GLI3: variants seen among roughly 807,000 people sequenced by gnomAD.
The protein encoded by GLI3 is transcription activator GLI3.
GLI3 carries 20 observed loss-of-function variants against 100.8 expected under a neutral mutation model. The ratio of observed to expected loss-of-function variants is 0.20; its 90% CI spans 0.14 to 0.29. The LOEUF (loss-of-function observed/expected upper bound fraction) is 0.29. Among genes scored for constraint, GLI3 ranks in the 10% least tolerant of loss-of-function variants. The pLI, the probability that GLI3 is intolerant of heterozygous loss-of-function variation, is 1.00. For synonymous variants in GLI3, 938 were observed against 860.5 expected (o/e 1.09, Z -1.58); for missense variants, 2,040 against 2,128.5 (o/e 0.96, Z 0.82).
At chr7:42,259,433 G>C (rs1408484260) in intron 1 of GLI3, among the ~76,000 whole-genome samples, 1 of 152,136 alleles carries the variant, frequency 6.6e-6, no homozygotes, top group Non-Finnish European at 1.5e-5. Flanking sequence ...TTAAGCTCTA[G>C]CTCTAAGTCA....
intron 11 of GLI3, among the ~76,000 whole-genome samples, chr7:41,978,183 C>A (rs967879271): frequency 6.6e-6 from 1 of 152,210 alleles, no homozygotes; most frequent in Non-Finnish European, 1.5e-5. Context: ...CTTGCGGCAC[C>A]CCCTTCCCAT....
intron 2 of GLI3, among the ~76,000 whole-genome samples, chr7:42,159,216 T>A (rs1787075990): frequency 2.6e-5 from 4 of 152,222 alleles, no homozygotes; most frequent in Admixed American, 2.6e-4. Context: ...ATTTGGCTTG[T>A]GCTTAACTTA....
chr7:42,144,860 A>G (rs1184695796), intron 3 of GLI3, among the ~76,000 whole-genome samples: 1 of 152,112 alleles, frequency 6.6e-6, no homozygotes, highest in Non-Finnish European at 1.5e-5. Context: ...GGATTAGAGG[A>G]GTCTTTTCTT....
At chr7:42,258,597 G>A (rs949113500) in intron 1 of GLI3, among the ~76,000 whole-genome samples, 1 of 152,152 alleles carries the variant, frequency 6.6e-6, no homozygotes, top group Non-Finnish European at 1.5e-5. Flanking sequence ...AGCCTAAGTG[G>A]CTTATACAGA....
At chr7:42,093,999 A>G (rs1255451266) in intron 3 of GLI3, among the ~76,000 whole-genome samples, 1 of 152,056 alleles carries the variant, frequency 6.6e-6, no homozygotes, top group Non-Finnish European at 1.5e-5. Context: ...TATCCTACTA[A>G]GGAAACAGAG....
intron 2 of GLI3, among the ~76,000 whole-genome samples, chr7:42,188,906 A>C (rs1787772118): frequency 6.6e-6 from 1 of 152,202 alleles, no homozygotes; most frequent in South Asian, 2.1e-4. Context: ...ATAATACTAT[A>C]ATGGCAGATA....
At chr7:42,107,778 A>C (rs1174780481) in intron 3 of GLI3, among the ~76,000 whole-genome samples, 1 of 152,242 alleles carries the variant, frequency 6.6e-6, no homozygotes, top group African/African-American at 2.4e-5. Context: ...CAATCTCTGC[A>C]TCTCTTCACG....
At chr7:42,017,381 G>A (rs958437789) in intron 10 of GLI3, among the ~76,000 whole-genome samples, 5 of 152,166 alleles carry the variant, frequency 3.3e-5, no homozygotes, top group African/African-American at 1.2e-4. Flanking sequence ...ATATTTCAGG[G>A]AGTATACAAC....
intron 3 of GLI3, among the ~76,000 whole-genome samples, chr7:42,144,321 C>T (rs1266051890): frequency 6.6e-6 from 1 of 152,090 alleles, no homozygotes; most frequent in Non-Finnish European, 1.5e-5. Flanking sequence ...TACCACGCTC[C>T]CCCAAATTAT....
At chr7:42,213,586 T>C (rs575007486) in intron 2 of GLI3, among the ~76,000 whole-genome samples, 79 of 152,320 alleles carry the variant, frequency 5.2e-4, no homozygotes, top group Non-Finnish European at 1.1e-3. Flanking sequence ...TTCCAAGGTC[T>C]GGGGTTCTCT....
At chr7:42,176,251 G>A (rs1787477479) in intron 2 of GLI3, among the ~76,000 whole-genome samples, 1 of 152,086 alleles carries the variant, frequency 6.6e-6, no homozygotes, top group Non-Finnish European at 1.5e-5. Flanking sequence ...CCACCAAGAT[G>A]CCAGAAGGCA....
intron 3 of GLI3, among the ~76,000 whole-genome samples, chr7:42,105,616 C>CTGTG (rs1785556330): frequency 6.6e-6 from 1 of 152,106 alleles, no homozygotes; most frequent in South Asian, 2.1e-4. Context: ...GATAGAAAAT[C>CTGTG]TTTTCAGGAA....
chr7:42,163,711 T>A (rs1199028158), intron 2 of GLI3, among the ~76,000 whole-genome samples: 1 of 152,194 alleles, frequency 6.6e-6, no homozygotes, highest in Non-Finnish European at 1.5e-5. Context: ...ATTACAGGCG[T>A]GAACTACCGT....
intron 4 of GLI3, among the ~76,000 whole-genome samples, chr7:42,064,636 A>G (rs1199258988): frequency 6.6e-6 from 1 of 152,206 alleles, no homozygotes; most frequent in African/African-American, 2.4e-5. Context: ...GATGTGCTCA[A>G]AGGAACTATT....
intron 12 of GLI3, among the ~76,000 whole-genome samples, chr7:41,973,402 A>G (rs1583743016): frequency 6.6e-6 from 1 of 152,326 alleles, no homozygotes; most frequent in East Asian, 1.9e-4. Context: ...TCTATAAATT[A>G]TTTCATGCTA....
chr7:42,180,849 G>T (rs568375703), intron 2 of GLI3, among the ~76,000 whole-genome samples: 1 of 152,306 alleles, frequency 6.6e-6, no homozygotes, highest in South Asian at 2.1e-4. Context: ...TATAGCCCAA[G>T]AATAAGGAAA....
chr7:42,040,993 C>T (rs1259321045), intron 6 of GLI3, among the ~76,000 whole-genome samples: 5 of 152,100 alleles, frequency 3.3e-5, no homozygotes, highest in African/African-American at 1.2e-4. Context: ...CAAATGTCAC[C>T]GAGGTTGAGG....
chr7:42,122,261 TCACA>T (rs202211116), intron 3 of GLI3, among the ~76,000 whole-genome samples: 1 of 145,318 alleles, frequency 6.9e-6, no homozygotes, highest in Non-Finnish European at 1.5e-5. Flanking sequence ...GTCCTAGCTT[TCACA>T]CAGTCTTTCC....
intron 2 of GLI3, among the ~76,000 whole-genome samples, chr7:42,176,892 AG>A (rs950563587): frequency 6.6e-6 from 1 of 152,158 alleles, no homozygotes; most frequent in Non-Finnish European, 1.5e-5. Context: ...TTTTAAATCT[AG>A]CCCCCAAATT....
Sources: allele counts gnomAD v4.1 joint callset (sites outside exome capture counted in the v4.1 genomes callset), GRCh38; gene constraint gnomAD v4.1.1; transcripts MANE v1.5; gene names NCBI Gene and HGNC (gene_info 2026-07-23, HGNC 2026-07-21).